Variants in CRIM1 observed in about 807,000 individuals in gnomAD.
CRIM1 encodes cysteine-rich motor neuron 1 protein.
Under a neutral mutation model 116.4 loss-of-function variants are expected in CRIM1, and 32 were observed. The ratio of observed to expected loss-of-function variants is 0.27; its 90% CI spans 0.21 to 0.37. CRIM1 has a LOEUF of 0.37. Among genes scored for constraint, CRIM1 ranks in the 10% least tolerant of loss-of-function variants. CRIM1 has a pLI of 1.00. For missense variants in CRIM1, 1,331 were observed against 1,354.8 expected (o/e 0.98, Z 0.28); for synonymous variants, 590 against 509.2 (o/e 1.16, Z -2.13).
At chr2:36,472,817 C>T (rs548667157) in intron 5 of CRIM1, among the ~76,000 whole-genome samples, 14 of 152,186 alleles carry the variant, frequency 9.2e-5, no homozygotes, top group Admixed American at 6.5e-4. Context: ...GTTTTCTATA[C>T]TTTTTGGAAC....
At chr2:36,436,658 G>T (rs550065715) in intron 2 of CRIM1, among the ~76,000 whole-genome samples, 3 of 152,222 alleles carry the variant, frequency 2.0e-5, no homozygotes, top group African/African-American at 7.2e-5. Context: ...GAGGATATAT[G>T]TTCTTTTCAA....
chr2:36,536,191 T>C (rs66631299), intron 13 of CRIM1, among the ~76,000 whole-genome samples: 28,576 of 152,224 alleles, frequency 0.19, 3,577 homozygotes, highest in Middle Eastern at 0.33. Flanking sequence ...TCAGAGAAAA[T>C]GGCTCCTGAT....
intron 14 of CRIM1, 79 bp downstream of exon 14, chr2:36,537,625 C>T: frequency 7.1e-7 from 1 of 1,416,592 alleles, no homozygotes; most frequent in Non-Finnish European, 9.4e-7. Flanking sequence ...TCGACCTGCC[C>T]CTTCTTTCAT....
intron 4 of CRIM1, among the ~76,000 whole-genome samples, chr2:36,459,665 G>C (rs1243350731): frequency 1.3e-5 from 2 of 152,128 alleles, no homozygotes; most frequent in East Asian, 3.9e-4. Flanking sequence ...AGGGTAGATG[G>C]TCTTAAGGTT....
chr2:36,375,404 G>A (rs1437414548), intron 1 of CRIM1, among the ~76,000 whole-genome samples: 1 of 152,158 alleles, frequency 6.6e-6, no homozygotes, highest in East Asian at 1.9e-4. Context: ...AATATTTCAG[G>A]TTGATTTCTG....
intron 2 of CRIM1, among the ~76,000 whole-genome samples, chr2:36,402,402 T>C (rs529701399): frequency 1.4e-5 from 2 of 138,454 alleles, no homozygotes; most frequent in East Asian, 4.4e-4. Context: ...ACAAGCTTGG[T>C]GTGTTGAAGG....
intron 1 of CRIM1, among the ~76,000 whole-genome samples, chr2:36,395,010 C>CTTTTTT (rs772105466): frequency 6.2e-5 from 7 of 113,442 alleles, no homozygotes; most frequent in Non-Finnish European, 1.1e-4. Flanking sequence ...TTTGTACTGT[C>CTTTTTT]TTTTTTTTTT....
intron 14 of CRIM1, among the ~76,000 whole-genome samples, chr2:36,542,313 A>C (rs912772871): frequency 6.6e-6 from 1 of 152,244 alleles, no homozygotes; most frequent in Non-Finnish European, 1.5e-5. Context: ...TGGTAATACA[A>C]TTAATCACTG....
At chr2:36,509,382 C>T (rs1388900722) in intron 8 of CRIM1, among the ~76,000 whole-genome samples, 2 of 152,098 alleles carry the variant, frequency 1.3e-5, no homozygotes, top group African/African-American at 4.8e-5. Context: ...CAAAAATTAG[C>T]TGGGCGTGGT....
At chr2:36,408,075 T>A (rs1210844900) in intron 2 of CRIM1, among the ~76,000 whole-genome samples, 3 of 152,188 alleles carry the variant, frequency 2.0e-5, no homozygotes, top group Non-Finnish European at 4.4e-5. Flanking sequence ...GTGAGCAGGT[T>A]TTGCTACATC....
At chr2:36,442,458 T>C (rs1472614757) in intron 3 of CRIM1, among the ~76,000 whole-genome samples, 157 bp from the exon 4 acceptor site, 1 of 152,194 alleles carries the variant, frequency 6.6e-6, no homozygotes, top group Non-Finnish European at 1.5e-5. Context: ...AATATTGCAG[T>C]TCTATAGCAT....
rs749712676 is a variant in CRIM1, at chr2:36,537,416, G to T, written c.2493G>T (p.Arg831=). The change falls in exon 14 of 17, where the codon CGG becomes CGT. Residue 831 remains arginine (R), a synonymous_variant. Transcript: ENST00000280527. ...FSGKAYADEE[R]WDLDSCTHCY... ...GGAAGGCCTATGCCGACGAGGAGCG[G>T]TGGGACCTTGACAGCTGCACCCACT... 6.2e-7 allele frequency: 1 copy of T among 1,614,220 alleles called. No individual in the cohort carries two copies.
intron 1 of CRIM1, among the ~76,000 whole-genome samples, chr2:36,384,210 G>A (rs1347331346): frequency 1.3e-5 from 2 of 152,244 alleles, no homozygotes; most frequent in Non-Finnish European, 2.9e-5. Flanking sequence ...GGAGTAGGAT[G>A]TTCCAGACAG....
intron 1 of CRIM1, among the ~76,000 whole-genome samples, chr2:36,382,061 C>A (rs1028096648): frequency 4.6e-5 from 7 of 152,156 alleles, no homozygotes; most frequent in African/African-American, 1.7e-4. Context: ...TGATGATATG[C>A]CCAGCAGCTC....
chr2:36,413,229 C>G (rs1016693985), intron 2 of CRIM1, among the ~76,000 whole-genome samples: 1 of 152,106 alleles, frequency 6.6e-6, no homozygotes, highest in Admixed American at 6.5e-5. Flanking sequence ...ATGTATGTCA[C>G]CTGCATGCAT....
chr2:36,392,653 T>G (rs1185918520), intron 1 of CRIM1, among the ~76,000 whole-genome samples: 1 of 152,232 alleles, frequency 6.6e-6, no homozygotes, highest in Non-Finnish European at 1.5e-5. Context: ...TCAGTCCTTG[T>G]TGATTTTGTT....
chr2:36,486,527 A>T (rs1421660879), intron 7 of CRIM1, among the ~76,000 whole-genome samples: 1 of 152,202 alleles, frequency 6.6e-6, no homozygotes, highest in African/African-American at 2.4e-5. Context: ...AGAATTGTTG[A>T]GAGCTAATTC....
intron 15 of CRIM1, 116 bp from the exon 16 acceptor site, chr2:36,546,868 T>G: frequency 4.1e-6 from 2 of 493,612 alleles, no homozygotes; most frequent in Non-Finnish European, 7.2e-6. Context: ...ATTTTTAGCC[T>G]CAAAAAACTG....
At chr2:36,438,393 C>G (rs1260225436) in intron 2 of CRIM1, among the ~76,000 whole-genome samples, 2 of 152,216 alleles carry the variant, frequency 1.3e-5, no homozygotes, top group Admixed American at 6.5e-5. Flanking sequence ...GATAAGCAGT[C>G]TACCAAATGC....
Sources: allele counts gnomAD v4.1 joint callset (sites outside exome capture counted in the v4.1 genomes callset), GRCh38; gene constraint gnomAD v4.1.1; transcripts MANE v1.5; gene names NCBI Gene and HGNC (gene_info 2026-07-23, HGNC 2026-07-21).